The following DAAM1 variants were observed in gnomAD, a reference collection of about 807,000 sequenced individuals.
DAAM1 encodes dishevelled associated activator of morphogenesis 1, also known as disheveled-associated activator of morphogenesis 1.
Under a neutral mutation model 130.0 loss-of-function variants are expected in DAAM1, and 52 were observed. The observed-to-expected ratio is 0.40, with a 90% CI of 0.32 to 0.50. The LOEUF (loss-of-function observed/expected upper bound fraction) is 0.50. Ranked by LOEUF, DAAM1 falls within the 20% of genes least tolerant of loss-of-function variation. DAAM1 has a pLI of 0.61. For synonymous variants in DAAM1, 452 were observed against 444.5 expected (o/e 1.02, Z -0.21); for missense variants, 1,134 against 1,303.8 (o/e 0.87, Z 2.01).
intron 1 of DAAM1, among the ~76,000 whole-genome samples, chr14:59,194,609 C>G (rs542170191): frequency 6.6e-6 from 1 of 152,178 alleles, no homozygotes; most frequent in African/African-American, 2.4e-5. Context: ...CCTCCCTCTT[C>G]CCTGTAGTCT....
chr14:59,302,974 G>A (rs985121726), intron 3 of DAAM1, among the ~76,000 whole-genome samples: 1 of 152,082 alleles, frequency 6.6e-6, no homozygotes, highest in African/African-American at 2.4e-5. Flanking sequence ...TTATTCTTAA[G>A]CAGGTTCCTT....
intron 9 of DAAM1, 60 bp downstream of exon 9, chr14:59,325,790 A>G: frequency 6.3e-7 from 1 of 1,597,346 alleles, no homozygotes; most frequent in Non-Finnish European, 8.6e-7. Flanking sequence ...TCTGTCTGTA[A>G]TGTGTGTTGT....
At chr14:59,257,473 G>C (rs1235184276) in intron 1 of DAAM1, among the ~76,000 whole-genome samples, 1 of 147,560 alleles carries the variant, frequency 6.8e-6, no homozygotes, top group Non-Finnish European at 1.5e-5. Flanking sequence ...CAAAGCAGCA[G>C]TATTTGAGCA....
At position 59,369,903 on chromosome 14, in the gene DAAM1, A is replaced by G. The variant is rs1329511711; in HGVS notation, c.*1044A>G. 14 of 151,922 alleles carry G rather than the reference A, an allele frequency of 9.2e-5. No individual in the cohort carries two copies. The highest frequency in any genetic ancestry group is 9.2e-4 in the Admixed American group (14 of 15,234). The allele number at this position is 151,922 out of a possible 1,614,324, so 9.4% of individuals were successfully genotyped here. A position where few individuals can be genotyped will look rare whatever the true frequency, so the allele number is the denominator to read the frequency against. ...GCACAAAATGTCAACATCAGCAGAG[A>G]TGCCCAGATCTATTTATCTCTAAGT... is the stretch of plus-strand genomic sequence containing the variant. On this transcript the variant is annotated 3_prime_UTR_variant, in exon 25 of 25. Coordinates refer to ENST00000360909, the MANE Select transcript of DAAM1 (RefSeq NM_001270520.2).
chr14:59,292,361 T>C (rs1056861762), intron 3 of DAAM1, among the ~76,000 whole-genome samples: 4 of 152,190 alleles, frequency 2.6e-5, no homozygotes, highest in Non-Finnish European at 5.9e-5. Flanking sequence ...GGGACCTCCA[T>C]TGGCCCATGT....
chr14:59,369,681 A>T lies in DAAM1; in HGVS notation c.*822A>T, dbSNP rs1189612433. Reference sequence around the variant, plus strand: ...ATGCTTGTTCTAACAATATAGATATATAAACCTTAAAAATAATAAAATATC... The same window carrying T: ...ATGCTTGTTCTAACAATATAGATATTTAAACCTTAAAAATAATAAAATATC... On this transcript the variant is annotated 3_prime_UTR_variant, in exon 25 of 25. Transcript: ENST00000360909. 4.6e-5 allele frequency: 7 copies of T among 151,766 alleles called. No homozygotes were observed. The highest frequency in any genetic ancestry group is 1.5e-5 in the Non-Finnish European group (1 of 67,862). The allele number at this position is 151,766 out of a possible 1,614,324, so 9.4% of individuals were successfully genotyped here.
intron 1 of DAAM1, among the ~76,000 whole-genome samples, chr14:59,233,159 C>T (rs532274588): frequency 4.6e-5 from 7 of 152,172 alleles, no homozygotes; most frequent in African/African-American, 7.2e-5. Context: ...TACCCATTAA[C>T]GGGATTGCTG....
At position 59,315,260 on chromosome 14, in the gene DAAM1, T is replaced by C. The variant is rs1884743769; in HGVS notation, c.274-20T>C. 7.0e-7 allele frequency: 1 copy of C among 1,422,986 alleles called. No individual in the cohort carries two copies. Among genetic ancestry groups the C allele is most frequent in the Non-Finnish European group, 9.4e-7 (1 of 1,058,528 alleles). The allele number at this position is 1,422,986 out of a possible 1,614,324, so 88.1% of individuals were successfully genotyped here. On this transcript the variant is annotated intron_variant, in intron 3 of 24. Coordinates refer to ENST00000360909, the MANE Select transcript of DAAM1 (RefSeq NM_001270520.2). ...GTGTATATGTTGGGTGGTATGTCAC[T>C]TTTTTTCCCCCCTTTTTAGGACCAG...
At chr14:59,323,611 TAATG>T (rs934110126) in intron 6 of DAAM1, among the ~76,000 whole-genome samples, 1 of 152,194 alleles carries the variant, frequency 6.6e-6, no homozygotes, top group African/African-American at 2.4e-5. Flanking sequence ...CAAGCAGAGA[TAATG>T]AAGCAAAGGC....
In DAAM1 at chr14:59,367,357, TTCTC is replaced by T. The variant is rs1886959773; in HGVS notation, c.2827-71_2827-68del. On this transcript the variant is annotated intron_variant, in intron 23 of 24. Coordinates refer to ENST00000360909, the MANE Select transcript of DAAM1 (RefSeq NM_001270520.2). ...TTTGACTCAATCTGGGCTTTGGTCT[TTCTC>T]AAGTTATTTATATTTGATTGTGGAA... 12 of 1,521,322 alleles carry T rather than the reference TTCTC, an allele frequency of 7.9e-6. No homozygotes were observed. The South Asian group carries it at 1.6e-4, about 20-fold the overall frequency. The allele number at this position is 1,521,322 out of a possible 1,614,324, so 94.2% of individuals were successfully genotyped here. A position where few individuals can be genotyped will look rare whatever the true frequency, so the allele number is the denominator to read the frequency against.
intron 2 of DAAM1, among the ~76,000 whole-genome samples, chr14:59,279,008 TTTTG>T (rs1338088275): frequency 6.6e-6 from 1 of 152,198 alleles, no homozygotes; most frequent in Non-Finnish European, 1.5e-5. Context: ...ATATAGAATT[TTTTG>T]TTTGTTTTCC....
At chr14:59,357,188 A>G (rs1301001908) in intron 20 of DAAM1, 1 of 152,252 alleles carries the variant, frequency 6.6e-6, no homozygotes, top group African/African-American at 2.4e-5. Context: ...AAACCTTTCT[A>G]TAGCAAGAAA....
Position 59,324,257 on chromosome 14 carries a change from T to G in DAAM1, c.885+19T>G, listed in dbSNP as rs762852258. 1 of 1,398,728 alleles carries G rather than the reference T, an allele frequency of 7.1e-7. No individual in the cohort carries two copies. The highest frequency in any genetic ancestry group is 2.6e-5 in the Admixed American group (1 of 38,036). 86.6% of individuals were successfully genotyped at this position (1,398,728 alleles called of 1,614,324 possible). On this transcript the variant is annotated intron_variant, in intron 7 of 24. Coordinates refer to ENST00000360909, the MANE Select transcript of DAAM1 (RefSeq NM_001270520.2). The stretch of plus-strand genomic sequence containing the variant: ...AGGAGTGGTAAGAACCTTCTACAAA[T>G]TAAAAATATATTAGTAAATAATAAT...
At chr14:59,335,750 A>G (rs1398116804) in intron 15 of DAAM1, among the ~76,000 whole-genome samples, 1 of 152,134 alleles carries the variant, frequency 6.6e-6, no homozygotes, top group Non-Finnish European at 1.5e-5. Context: ...GGAACAAAGA[A>G]TAACGGTGGT....
chr14:59,361,255 T>G lies in DAAM1; in HGVS notation c.2694+393T>G, dbSNP rs546454983. On this transcript the variant is annotated intron_variant, in intron 22 of 24. Coordinates refer to ENST00000360909, the MANE Select transcript of DAAM1 (RefSeq NM_001270520.2). ...ACTTCTCTGTAGAACTTCTCAGTTG[T>G]TTTTGACTTGGTCCTTTGGGGAGTA... Among the ~76,000 whole-genome samples the G allele has an allele frequency of 2.0e-5, 3 of 152,266 alleles. No individual in the cohort carries two copies. The East Asian group carries it at 5.8e-4, about 29-fold the overall frequency.
In DAAM1 at chr14:59,246,662, C is replaced by T. The variant is rs146749913; in HGVS notation, c.-37-16779C>T. On this transcript the variant is annotated intron_variant, in intron 1 of 24. Transcript: ENST00000360909. ...ATAATGGTTGTTCCACTTCATAATC[C>T]CAGCAACTGTACAGGGTTCCAGTTT... Among the ~76,000 whole-genome samples the T allele has an allele frequency of 2.4e-3, 363 of 152,202 alleles. 1 individual carries two copies. The highest frequency in any genetic ancestry group is 8.3e-3 in the African/African-American group (343 of 41,530).
intron 1 of DAAM1, among the ~76,000 whole-genome samples, chr14:59,224,281 T>C (rs971144487): frequency 1.3e-5 from 2 of 152,216 alleles, no homozygotes; most frequent in African/African-American, 4.8e-5. Context: ...TAGTCCACTG[T>C]CCTTTTCCAA....
chr14:59,250,225 TAAAAC>T (rs1323872921), intron 1 of DAAM1, among the ~76,000 whole-genome samples: 8 of 152,194 alleles, frequency 5.3e-5, no homozygotes, highest in Non-Finnish European at 1.2e-4. Flanking sequence ...ATACAGAATT[TAAAAC>T]AAAACAAATC....
At chr14:59,318,069 TG>T (rs1884859845) in intron 4 of DAAM1, among the ~76,000 whole-genome samples, 1 of 152,196 alleles carries the variant, frequency 6.6e-6, no homozygotes, top group Non-Finnish European at 1.5e-5. Context: ...AAGAATGCTT[TG>T]TTCTTTAAAG....
Sources: gnomAD v4.1 joint callset for allele counts (sites outside exome capture counted in the v4.1 genomes callset) on GRCh38, gnomAD v4.1.1 for gene constraint, MANE v1.5 for transcripts, NCBI Gene and HGNC (gene_info 2026-07-23, HGNC 2026-07-21) for gene names.